MYO16: variants seen among roughly 807,000 people sequenced by gnomAD.
The protein encoded by MYO16 is unconventional myosin-XVI.
MYO16 carries 94 observed loss-of-function variants against 205.3 expected under a neutral mutation model. The ratio of observed to expected loss-of-function variants is 0.46; its 90% CI spans 0.39 to 0.54. The LOEUF (loss-of-function observed/expected upper bound fraction) is 0.54, where lower values mean the gene tolerates loss of function less well. MYO16 is among the 20% of genes least tolerant of loss of function. MYO16 has a pLI of 0.00. For synonymous variants in MYO16, 988 were observed against 954.0 expected, an observed-to-expected ratio of 1.04 and a Z score of -0.66; for missense variants, 2,315 against 2,387.5, an observed-to-expected ratio of 0.97 and a Z score of 0.63.
At chr13:108,763,504 T>C (rs1238992232) in intron 4 of MYO16, among the ~76,000 whole-genome samples, 1 of 152,046 alleles carries the variant, frequency 6.6e-6, no homozygotes, top group Non-Finnish European at 1.5e-5. Context: ...ATGAAGGAAA[T>C]GAAGAAAATA....
chr13:109,038,453 T>A (rs1026239619), intron 23 of MYO16, among the ~76,000 whole-genome samples: 1 of 152,064 alleles, frequency 6.6e-6, no homozygotes, highest in African/African-American at 2.4e-5. Context: ...ACTCCTGGAT[T>A]TCGGGCCCTC....
intron 31 of MYO16, among the ~76,000 whole-genome samples, chr13:109,137,532 T>A (rs946899683): frequency 1.3e-5 from 2 of 152,220 alleles, no homozygotes; most frequent in African/African-American, 4.8e-5. Context: ...CCATTGAAAG[T>A]AACTGGAATA....
chr13:108,734,811 G>T (rs1884636472), intron 4 of MYO16, among the ~76,000 whole-genome samples: 1 of 152,182 alleles, frequency 6.6e-6, no homozygotes, highest in South Asian at 2.1e-4. Context: ...CCATGGTGTG[G>T]GCAGGGCCTC....
At chr13:108,669,423 G>A (rs139486841) in intron 2 of MYO16, among the ~76,000 whole-genome samples, 12 of 152,168 alleles carry the variant, frequency 7.9e-5, no homozygotes, top group Middle Eastern at 6.8e-3. Context: ...AGTATAAAGA[G>A]CTCTTTAAAG....
intron 23 of MYO16, among the ~76,000 whole-genome samples, chr13:109,023,740 T>TATATATGTATATATGTATATATTACAA (rs1886246789): frequency 1.8e-5 from 1 of 57,068 alleles, no homozygotes; most frequent in Admixed American, 2.1e-4. Flanking sequence ...CATATATACA[T>TATATATGTATATATGTATATATTACAA]ATATACGTAT....
the MYO16 span, among the ~76,000 whole-genome samples, chr13:108,509,885 AC>A: frequency 2.0e-5 from 3 of 151,914 alleles, no homozygotes; most frequent in Admixed American, 6.6e-5. Context: ...CCCCCGCCCA[AC>A]CCCAACATTG....
chr13:109,034,404 A>G (rs529519503), intron 23 of MYO16, among the ~76,000 whole-genome samples: 5 of 152,048 alleles, frequency 3.3e-5, no homozygotes, highest in African/African-American at 1.2e-4. Flanking sequence ...ACAAGATCTG[A>G]TGGTTTTATA....
intron 28 of MYO16, among the ~76,000 whole-genome samples, chr13:109,102,710 A>G (rs1889010176): frequency 6.6e-6 from 1 of 152,172 alleles, no homozygotes; most frequent in African/African-American, 2.4e-5. Context: ...GGAGACCAGA[A>G]GACAAATTGG....
At chr13:108,657,726 T>C (rs1340591874) in intron 1 of MYO16, among the ~76,000 whole-genome samples, 1 of 152,218 alleles carries the variant, frequency 6.6e-6, no homozygotes, top group Admixed American at 6.5e-5. Context: ...AATAGCTGAC[T>C]CATAGGGTGT....
At chr13:109,054,294 C>A (rs1484376975) in intron 25 of MYO16, 1 of 400,574 alleles carries the variant, frequency 2.5e-6, no homozygotes, top group Non-Finnish European at 5.0e-6. Flanking sequence ...AGTCTACTAC[C>A]ATTTTTTACA....
chr13:108,570,247 T>C, the MYO16 span, among the ~76,000 whole-genome samples: 3 of 152,068 alleles, frequency 2.0e-5, no homozygotes, highest in Non-Finnish European at 4.4e-5. Context: ...CTTTTCCTTT[T>C]TTCTTTCTTT....
intron 31 of MYO16, among the ~76,000 whole-genome samples, chr13:109,135,279 T>A (rs1284447206): frequency 6.6e-6 from 1 of 152,190 alleles, no homozygotes; most frequent in Non-Finnish European, 1.5e-5. Context: ...TATGCCTTCA[T>A]GAGGATGAAC....
chr13:108,557,039 C>T, the MYO16 span, among the ~76,000 whole-genome samples: 1 of 152,096 alleles, frequency 6.6e-6, no homozygotes, highest in Non-Finnish European at 1.5e-5. Context: ...CCATAGCCGC[C>T]TATTATTTTG....
At chr13:108,982,394 A>T (rs891077910) in intron 20 of MYO16, among the ~76,000 whole-genome samples, 6 of 152,182 alleles carry the variant, frequency 3.9e-5, no homozygotes, top group African/African-American at 1.2e-4. Context: ...CTTATTTTTT[A>T]AAAAACCCAA....
intron 2 of MYO16, among the ~76,000 whole-genome samples, chr13:108,683,340 T>G (rs1045257344): frequency 6.6e-6 from 1 of 152,050 alleles, no homozygotes; most frequent in African/African-American, 2.4e-5. Flanking sequence ...AGCTTCCCTT[T>G]CCTTCCTTCC....
intron 28 of MYO16, among the ~76,000 whole-genome samples, chr13:109,117,294 A>G (rs1446074184): frequency 6.6e-6 from 1 of 151,704 alleles, no homozygotes; most frequent in Non-Finnish European, 1.5e-5. Context: ...CATCCTGCCC[A>G]CATCCCTGCC....
At chr13:108,909,665 C>T (rs968628247) in intron 15 of MYO16, among the ~76,000 whole-genome samples, 4 of 151,606 alleles carry the variant, frequency 2.6e-5, no homozygotes, top group Admixed American at 6.6e-5. Flanking sequence ...CCAACATGGC[C>T]GGGACTCTCA....
chr13:108,928,237 C>T (rs189008151), intron 16 of MYO16, among the ~76,000 whole-genome samples: 12 of 152,194 alleles, frequency 7.9e-5, no homozygotes, highest in South Asian at 4.1e-4. Flanking sequence ...TGTGTACCGA[C>T]GACAGAGGGG....
chr13:108,823,397 G>A (rs1383828068), intron 9 of MYO16, 119 bp downstream of exon 9: 8 of 853,028 alleles, frequency 9.4e-6, no homozygotes, highest in African/African-American at 1.7e-5. Context: ...GTTTATCAAT[G>A]TATATACCAA....
Sources: allele counts gnomAD v4.1 joint callset (sites outside exome capture counted in the v4.1 genomes callset), GRCh38; gene constraint gnomAD v4.1.1; transcripts MANE v1.5; gene names NCBI Gene and HGNC (gene_info 2026-07-23, HGNC 2026-07-21).